MLIP: variants seen among roughly 807,000 people sequenced by gnomAD.
MLIP encodes muscular LMNA interacting protein, also known as muscular LMNA-interacting protein.
In MLIP, 79 loss-of-function variants were observed where a neutral mutation model predicts 84.8. The observed-to-expected ratio is 0.93, with a 90% CI of 0.78 to 1.12. MLIP has a LOEUF of 1.12. Among genes scored for constraint, MLIP ranks in the 50% most tolerant of loss-of-function variants. MLIP has a pLI of 0.00. For missense variants in MLIP, 1,257 were observed against 1,160.6 expected (o/e 1.08, Z -1.21); for synonymous variants, 504 against 463.0 (o/e 1.09, Z -1.14).
chr6:54,078,057 T>A lies in MLIP; in HGVS notation c.64-43390T>A, dbSNP rs144391456. Among the ~76,000 whole-genome samples, 3 of 152,296 alleles carry A rather than the reference T, an allele frequency of 2.0e-5. No homozygotes were observed. The East Asian group carries it at 5.8e-4, about 29-fold the overall frequency. On this transcript the variant is annotated intron_variant, in intron 1 of 12. Coordinates refer to the MLIP transcript ENST00000274897. ...TGGATAGGTTGTATGCCCACAAGAC[T>A]TACTGTCATTTTGGTGGAAATGTTT...
intron 1 of MLIP, among the ~76,000 whole-genome samples, chr6:54,114,287 T>C (rs1390813178): frequency 6.6e-6 from 1 of 152,210 alleles, no homozygotes; most frequent in Non-Finnish European, 1.5e-5. Flanking sequence ...AGTAATTTTA[T>C]CCCCAGCACA....
At chr6:54,125,159 G>A (rs1770813620) in intron 3 of MLIP, among the ~76,000 whole-genome samples, 1 of 152,142 alleles carries the variant, frequency 6.6e-6, no homozygotes, top group Admixed American at 6.5e-5. Flanking sequence ...AATAATTCTT[G>A]GAGAAGGTTG....
chr6:54,225,312 C>T (rs147324941), intron 11 of MLIP, among the ~76,000 whole-genome samples: 6 of 152,264 alleles, frequency 3.9e-5, no homozygotes, highest in African/African-American at 1.4e-4. Context: ...AGGCTACAAA[C>T]CTGTACAGCA....
At chr6:54,209,926 C>G (rs1779304865) in intron 11 of MLIP, among the ~76,000 whole-genome samples, 2 of 149,386 alleles carry the variant, frequency 1.3e-5, no homozygotes, top group African/African-American at 2.5e-5. Flanking sequence ...CAATAAGGCT[C>G]TTGAAAATTG....
At chr6:54,205,064 C>T (rs182417519) in intron 11 of MLIP, among the ~76,000 whole-genome samples, 297 of 152,280 alleles carry the variant, frequency 2.0e-3, no homozygotes, top group African/African-American at 6.7e-3. Context: ...ACCTGGGAAA[C>T]GGCATGTACT....
intron 12 of MLIP, among the ~76,000 whole-genome samples, chr6:54,240,752 G>A (rs1021480959): frequency 5.3e-5 from 8 of 152,114 alleles, no homozygotes; most frequent in Admixed American, 1.3e-4. Context: ...TGAGGCAGGC[G>A]GATCACGAGG....
chr6:54,030,641 T>C (rs1228196831), intron 1 of MLIP: 2 of 152,082 alleles, frequency 1.3e-5, no homozygotes, highest in Non-Finnish European at 2.9e-5. Context: ...TTTTTATTCC[T>C]TGCACGTAAG....
intron 1 of MLIP, among the ~76,000 whole-genome samples, chr6:54,051,404 G>C (rs1173942360): frequency 4.0e-5 from 6 of 151,850 alleles, no homozygotes; most frequent in African/African-American, 1.5e-4. Context: ...GCAGGGAATG[G>C]GTAGTTGTAA....
chr6:54,059,489 T>C (rs1765844122), intron 1 of MLIP, among the ~76,000 whole-genome samples: 1 of 152,154 alleles, frequency 6.6e-6, no homozygotes, highest in Non-Finnish European at 1.5e-5. Context: ...GGAGGGGAAA[T>C]ATTCAATAAA....
intron 12 of MLIP, among the ~76,000 whole-genome samples, chr6:54,239,098 AT>A (rs1781551757): frequency 6.6e-6 from 1 of 151,956 alleles, no homozygotes. Flanking sequence ...ATATTTCAGT[AT>A]TTATATCTGG....
chr6:54,124,699 G>GC lies in MLIP; in HGVS notation c.485dup (p.Gly163ArgfsTer22), dbSNP rs1267427552. On this transcript the variant is annotated frameshift_variant, in exon 3 of 14. Transcript: ENST00000502396. LOFTEE classifies it high-confidence loss of function. ...GCTGCAAGCAGAAAAGTTGAACAAG[G>GC]CCCCCCAGGGGGGATTGGCACCGCA... 5.6e-6 allele frequency: 9 copies of GC among 1,614,030 alleles called. No homozygotes were observed. Among genetic ancestry groups the GC allele is most frequent in the Non-Finnish European group, 7.6e-6 (9 of 1,180,030 alleles).
intron 11 of MLIP, among the ~76,000 whole-genome samples, chr6:54,210,509 A>ATTC (rs1201404899): frequency 6.6e-6 from 1 of 152,236 alleles, no homozygotes; most frequent in Non-Finnish European, 1.5e-5. Flanking sequence ...CTCCTATAAA[A>ATTC]TTCTTCCTTG....
chr6:54,209,920 A>G (rs1395490182), intron 11 of MLIP, among the ~76,000 whole-genome samples: 12 of 151,420 alleles, frequency 7.9e-5, no homozygotes, highest in Admixed American at 5.9e-4. Flanking sequence ...TTTTTACAAT[A>G]AGGCTCTTGA....
intron 1 of MLIP, among the ~76,000 whole-genome samples, chr6:54,101,745 TATTGAAAAGTATGTAGCTTTAGCACTC>T (rs1225524265): frequency 6.6e-6 from 1 of 152,176 alleles, no homozygotes; most frequent in Non-Finnish European, 1.5e-5. Flanking sequence ...GTACTATCCA[TATTGAAAAGTATGTAGCTTTAGCACTC>T]ATGCTAGTGA....
chr6:54,028,201 C>A (rs1314816776), intron 1 of MLIP, among the ~76,000 whole-genome samples: 1 of 152,128 alleles, frequency 6.6e-6, no homozygotes, highest in Non-Finnish European at 1.5e-5. Context: ...CTAAAAATTT[C>A]TCAAGGGTCC....
intron 1 of MLIP, among the ~76,000 whole-genome samples, chr6:54,020,350 T>C (rs184983298): frequency 4.9e-4 from 75 of 152,198 alleles, no homozygotes; most frequent in Non-Finnish European, 9.8e-4. Flanking sequence ...AAAAAGCACA[T>C]GCCCAAAGTT....
intron 12 of MLIP, among the ~76,000 whole-genome samples, chr6:54,240,550 C>T (rs766992922): frequency 6.6e-6 from 1 of 152,206 alleles, no homozygotes; most frequent in African/African-American, 2.4e-5. Flanking sequence ...TTGTGCCACA[C>T]ATTTCACTCT....
intron 1 of MLIP, among the ~76,000 whole-genome samples, chr6:54,053,955 G>A (rs1765506796): frequency 6.6e-6 from 1 of 152,140 alleles, no homozygotes; most frequent in African/African-American, 2.4e-5. Flanking sequence ...TAAGCCTGTG[G>A]TGCTGTTTAT....
At chr6:54,091,585 G>A (rs990514394) in intron 1 of MLIP, among the ~76,000 whole-genome samples, 2 of 152,144 alleles carry the variant, frequency 1.3e-5, no homozygotes, top group East Asian at 1.9e-4. Context: ...TCAAGATCAC[G>A]TGGGAGAAAA....
Sources: allele counts gnomAD v4.1 joint callset (sites outside exome capture counted in the v4.1 genomes callset), GRCh38; gene constraint gnomAD v4.1.1; transcripts MANE v1.5; gene names NCBI Gene and HGNC (gene_info 2026-07-23, HGNC 2026-07-21).